The following CFAP77 variants were observed in gnomAD, a reference collection of about 807,000 sequenced individuals.
CFAP77 encodes cilia- and flagella-associated protein 77.
Under a neutral mutation model 31.1 loss-of-function variants are expected in CFAP77, and 25 were observed. The ratio of observed to expected loss-of-function variants is 0.80; its 90% confidence interval spans 0.59 to 1.12. The LOEUF is 1.12. CFAP77 is among the 50% of genes most tolerant of loss of function. The pLI is 0.00. For missense variants in CFAP77, 377 were observed against 397.3 expected (o/e 0.95, Z 0.44); for synonymous variants, 151 against 159.9 (o/e 0.94, Z 0.42).
intron 1 of CFAP77, among the ~76,000 whole-genome samples, chr9:132,463,500 C>T (rs1001837931): frequency 3.0e-4 from 46 of 152,302 alleles, no homozygotes; most frequent in Non-Finnish European, 4.4e-5. Context: ...GGGCCACCCC[C>T]ACCTGGATAC....
rs531046749 is a variant in CFAP77, at chr9:132,499,077, C to T, written c.295+283C>T. The stretch of plus-strand genomic sequence containing the variant: ...GGGACTGTGTGCACTATGCTGCTCA[C>T]GTTACAAGAATGGAATGAGACTGGG... On this transcript the variant is annotated intron_variant, in intron 2 of 5. Coordinates refer to ENST00000393216, the MANE Select transcript of CFAP77 (RefSeq NM_001282957.2). This position sits in a 1 kb window ranked among gnomAD's most constrained non-coding sequence, Gnocchi z 5.4. Among the ~76,000 whole-genome samples, 31 of 152,304 alleles carry T rather than the reference C, an allele frequency of 2.0e-4. No individual in the cohort carries two copies. The highest frequency in any genetic ancestry group is 1.4e-3 in the Admixed American group (21 of 15,302).
At chr9:132,529,536 C>G (rs539538846) in intron 3 of CFAP77, among the ~76,000 whole-genome samples, 1 of 115,640 alleles carries the variant, frequency 8.6e-6, no homozygotes, top group Admixed American at 8.4e-5. Context: ...AAAAACTAAA[C>G]ACATACTTGG....
chr9:132,554,044 C>T lies in CFAP77; in HGVS notation c.732+10997C>T, dbSNP rs1048586750. On this transcript the variant is annotated intron_variant, in intron 5 of 5. Coordinates refer to ENST00000393216, the MANE Select transcript of CFAP77 (RefSeq NM_001282957.2). This position sits in a 1 kb window ranked among gnomAD's most constrained non-coding sequence, Gnocchi z 4.1. ...TTCCAGGGGCTTGGCAATGACCCCA[C>T]GGGATGGGTAGTATGACCCTTACTT... Among the ~76,000 whole-genome samples, 2 of 152,290 alleles carry T rather than the reference C, an allele frequency of 1.3e-5. No individual in the cohort carries two copies. The highest frequency in any genetic ancestry group is 2.4e-5 in the African/African-American group (1 of 41,544).
rs1851770082 is a variant in CFAP77, at chr9:132,497,874, G to C, written c.196-821G>C. On this transcript the variant is annotated intron_variant, in intron 1 of 5. Coordinates refer to ENST00000393216, the MANE Select transcript of CFAP77 (RefSeq NM_001282957.2). The surrounding 1 kb of genome is among the most constrained non-coding windows in gnomAD (Gnocchi z 4.9). ...TGCAGGACAGGGTCTCTGACCTCGA[G>C]GAGCTGCTGTGATAAAGGGAGACCG... Among the ~76,000 whole-genome samples, 1 of 152,172 alleles carries C rather than the reference G, an allele frequency of 6.6e-6. No individual in the cohort carries two copies. The highest frequency in any genetic ancestry group is 1.5e-5 in the Non-Finnish European group (1 of 68,034).
At chr9:132,434,611 C>T (rs925140699) in intron 1 of CFAP77, among the ~76,000 whole-genome samples, 1 of 152,114 alleles carries the variant, frequency 6.6e-6, no homozygotes, top group Admixed American at 6.5e-5. Flanking sequence ...GTGGGTGGAA[C>T]CTATGAATCT....
intron 1 of CFAP77, among the ~76,000 whole-genome samples, chr9:132,416,224 AC>A (rs777098227): frequency 4.6e-5 from 7 of 152,026 alleles, no homozygotes; most frequent in Non-Finnish European, 7.4e-5. Context: ...GGTTGGCTGG[AC>A]AAAAACAAGG....
At chr9:132,561,817 C>T (rs1411295001) in intron 5 of CFAP77, among the ~76,000 whole-genome samples, 3 of 152,028 alleles carry the variant, frequency 2.0e-5, no homozygotes, top group Non-Finnish European at 4.4e-5. Flanking sequence ...GTGGCAGAGG[C>T]GTCGGGTGGA....
chr9:132,426,311 CTTA>C (rs1051613993), intron 1 of CFAP77, among the ~76,000 whole-genome samples: 10 of 152,140 alleles, frequency 6.6e-5, no homozygotes, highest in African/African-American at 2.4e-4. Flanking sequence ...TTTGGACAGA[CTTA>C]TTATGAGAGA....
At chr9:132,531,470 AG>A (rs1564242676) in intron 3 of CFAP77, among the ~76,000 whole-genome samples, 2 of 152,100 alleles carry the variant, frequency 1.3e-5, no homozygotes, top group Non-Finnish European at 2.9e-5. Context: ...GCAAAGGGGA[AG>A]CTGAGTGTGT....
At position 132,572,406 on chromosome 9, in the gene CFAP77, A is replaced by G; in HGVS notation, c.751A>G (p.Thr251Ala). 6 of 1,613,536 alleles carry G rather than the reference A, an allele frequency of 3.7e-6. No individual in the cohort carries two copies. The highest frequency in any genetic ancestry group is 5.1e-6 in the Non-Finnish European group (6 of 1,179,968). Residue 251 changes from threonine (T) to alanine (A), a missense_variant, in exon 6 of 6, where the codon ACG becomes GCG. Transcript: ENST00000393216. ...HFQKVGRHLD[T>A]FPTEADRQRA... ...TCCACAGGTGGGCCGCCACCTTGATACGTTCCCCACGGAGGCCGATCGCCA... is the reference window on the plus strand; with the variant it reads ...TCCACAGGTGGGCCGCCACCTTGATGCGTTCCCCACGGAGGCCGATCGCCA...
rs1164264864 is a variant in CFAP77 at position 132,480,934 on chromosome 9, A to C, written c.196-17761A>C. Among the ~76,000 whole-genome samples the C allele has an allele frequency of 1.3e-5, 2 of 152,144 alleles. No homozygotes were observed. Among genetic ancestry groups the C allele is most frequent in the Non-Finnish European group, 2.9e-5 (2 of 68,008 alleles). On this transcript the variant is annotated intron_variant, in intron 1 of 5. Transcript: ENST00000393216. The surrounding 1 kb of genome is among the most constrained non-coding windows in gnomAD (Gnocchi z 5.8). Reference sequence around the variant, plus strand: ...GTGGTCCGGGGGCCCCTGTTATCAAAACAAGCCACAGACAGTCCCCGTGTA... The same window carrying C: ...GTGGTCCGGGGGCCCCTGTTATCAACACAAGCCACAGACAGTCCCCGTGTA...
At chr9:132,488,382 A>C (rs1851597590) in intron 1 of CFAP77, among the ~76,000 whole-genome samples, 1 of 152,212 alleles carries the variant, frequency 6.6e-6, no homozygotes, top group African/African-American at 2.4e-5. Flanking sequence ...TCACCTCTTC[A>C]CTTCTCATTT....
At chr9:132,561,184 G>A (rs1852991132) in intron 5 of CFAP77, among the ~76,000 whole-genome samples, 1 of 152,136 alleles carries the variant, frequency 6.6e-6, no homozygotes, top group Non-Finnish European at 1.5e-5. Flanking sequence ...ACTGACCTGG[G>A]ACTGATCCAT....
intron 1 of CFAP77, among the ~76,000 whole-genome samples, chr9:132,458,348 A>AGGG (rs538139245): frequency 1.4e-3 from 148 of 103,672 alleles, no homozygotes; most frequent in South Asian, 8.2e-3. Context: ...CTGGCGGGGG[A>AGGG]GGGGGGGGGG....
At chr9:132,521,122 C>T (rs539476552) in intron 3 of CFAP77, among the ~76,000 whole-genome samples, 4 of 152,238 alleles carry the variant, frequency 2.6e-5, no homozygotes, top group East Asian at 1.9e-4. Flanking sequence ...TGGCGTCTGC[C>T]GGCCTGGCCG....
chr9:132,479,323 T>C (rs1277351499), intron 1 of CFAP77, among the ~76,000 whole-genome samples: 12 of 152,002 alleles, frequency 7.9e-5, no homozygotes, highest in Non-Finnish European at 7.4e-5. Context: ...TCAGACCTTT[T>C]CCCCCATAGT....
intron 1 of CFAP77, among the ~76,000 whole-genome samples, chr9:132,468,265 G>T (rs1851189980): frequency 6.6e-6 from 1 of 152,096 alleles, no homozygotes. Context: ...AGGATTGCTT[G>T]AGCCCAGGAG....
intron 1 of CFAP77, among the ~76,000 whole-genome samples, chr9:132,437,854 G>T (rs1033716066): frequency 6.6e-6 from 1 of 151,096 alleles, no homozygotes; most frequent in Admixed American, 6.6e-5. Flanking sequence ...TGGAAAATGG[G>T]TATATAGTAA....
intron 3 of CFAP77, chr9:132,513,438 C>T (rs1334058475): frequency 7.1e-7 from 1 of 1,411,024 alleles, no homozygotes; most frequent in African/African-American, 1.4e-5. Flanking sequence ...TTCCTAGCCT[C>T]AGCCCCTCCC....
Sources: allele counts gnomAD v4.1 joint callset (sites outside exome capture counted in the v4.1 genomes callset), GRCh38; gene constraint gnomAD v4.1.1; non-coding constraint Gnocchi (gnomAD v3.1); transcripts MANE v1.5; gene names NCBI Gene and HGNC (gene_info 2026-07-23, HGNC 2026-07-21).